The following GCFC2 variants were observed in gnomAD, a reference collection of about 807,000 sequenced individuals.
GCFC2 encodes the protein intron Large complex component GCFC2.
Under a neutral mutation model 99.4 loss-of-function variants are expected in GCFC2, and 102 were observed. That is an observed-to-expected ratio of 1.03 (90% CI 0.87 to 1.21). GCFC2 has a LOEUF of 1.21. Among genes scored for constraint, GCFC2 ranks in the 50% most tolerant of loss-of-function variants. The pLI is 0.00. For missense variants in GCFC2, 973 were observed against 920.9 expected, an observed-to-expected ratio of 1.06 and a Z score of -0.73; for synonymous variants, 338 against 316.8, an observed-to-expected ratio of 1.07 and a Z score of -0.71.
At chr2:75,705,323 C>T (rs1474306353) in intron 2 of GCFC2, among the ~76,000 whole-genome samples, 2 of 151,974 alleles carry the variant, frequency 1.3e-5, no homozygotes, top group Admixed American at 1.3e-4. Flanking sequence ...ATTTAATAGG[C>T]TAATAAAGAA....
intron 1 of GCFC2, among the ~76,000 whole-genome samples, chr2:75,708,014 T>C (rs1032654289): frequency 2.0e-5 from 3 of 152,232 alleles, no homozygotes; most frequent in African/African-American, 2.4e-5. Context: ...TTTTGCTGCA[T>C]CTTGAAATGC....
At chr2:75,670,475 T>TATTTTC (rs1212705104) in intron 14 of GCFC2, 191 bp from the exon 15 acceptor site, 2 of 445,826 alleles carry the variant, frequency 4.5e-6, no homozygotes, top group Non-Finnish European at 8.2e-6. Context: ...TTGCTCATCT[T>TATTTTC]ATTTTCATTT....
intron 12 of GCFC2, among the ~76,000 whole-genome samples, chr2:75,677,683 A>G (rs182862234): frequency 4.6e-4 from 70 of 152,342 alleles, no homozygotes; most frequent in East Asian, 1.9e-4. Context: ...CGGTTTCAGA[A>G]TAAAAACATC....
intron 15 of GCFC2, among the ~76,000 whole-genome samples, chr2:75,669,558 AT>A (rs1390552305): frequency 2.0e-5 from 3 of 151,976 alleles, no homozygotes; most frequent in South Asian, 2.1e-4. Flanking sequence ...TTTACCTGAA[AT>A]TTTTTTGGTG....
chr2:75,697,595 T>G (rs1430454324), intron 4 of GCFC2: 1 of 152,266 alleles, frequency 6.6e-6, no homozygotes, highest in Non-Finnish European at 1.5e-5. Flanking sequence ...TCTCCCTTCC[T>G]GCAGAGGTTG....
chr2:75,666,049 G>A lies in GCFC2; in HGVS notation c.2108C>T (p.Ala703Val), dbSNP rs1355409218. ...AAACCATTTTTCTGGTAGACATGCT[G>A]CTACCTGTTAATCAAAACACATGGC... is the stretch of plus-strand genomic sequence containing the variant. ...PDVVKKCNQV[A>V]ACLPEKWFEN... Residue 703 changes from alanine (A) to valine (V), a missense_variant, in exon 16 of 17, where the codon GCA (alanine) becomes GTA (valine). Transcript: ENST00000321027. 11 of 1,601,360 alleles carry A rather than the reference G, an allele frequency of 6.9e-6. No individual in the cohort carries two copies. The highest frequency in any genetic ancestry group is 9.4e-6 in the Non-Finnish European group (11 of 1,173,422).
At position 75,694,402 on chromosome 2, in the gene GCFC2, G is replaced by T. The variant is rs374711307; in HGVS notation, c.859C>A (p.Arg287Ser). 5 of 1,435,116 alleles carry T rather than the reference G, an allele frequency of 3.5e-6. No individual in the cohort carries two copies. Among genetic ancestry groups the T allele is most frequent in the Non-Finnish European group, 4.6e-6 (5 of 1,075,448 alleles). The allele number at this position is 1,435,116 out of a possible 1,614,324, so 88.9% of individuals were successfully genotyped here. ...TTTTCATACTCCCTCAGGTGTGAGC[G>T]GTGAGTTTCCTGTAGTAATGTTAAT... is the stretch of plus-strand genomic sequence containing the variant. ...TRLTLLQETH[R>S]SHLREYEKYV... Residue 287 changes from arginine to serine, a missense_variant, in exon 6 of 17, where the codon CGC becomes AGC. Transcript: ENST00000321027.
intron 2 of GCFC2, among the ~76,000 whole-genome samples, chr2:75,705,337 C>T (rs769977538): frequency 1.3e-5 from 2 of 152,056 alleles, no homozygotes; most frequent in Non-Finnish European, 2.9e-5. Context: ...TAAAGAAGCA[C>T]TTATGGCCGG....
chr2:75,672,880 TAAAACC>T (rs1298759636), intron 13 of GCFC2, among the ~76,000 whole-genome samples: 2 of 152,316 alleles, frequency 1.3e-5, no homozygotes, highest in Middle Eastern at 3.4e-3. Flanking sequence ...AGGATATATG[TAAAACC>T]AAAACCAAAA....
At chr2:75,686,501 G>A (rs890319894) in intron 11 of GCFC2, among the ~76,000 whole-genome samples, 2 of 152,116 alleles carry the variant, frequency 1.3e-5, no homozygotes, top group African/African-American at 4.8e-5. Context: ...CCAGTGCTTT[G>A]GGAAGCTTAG....
At chr2:75,683,210 C>CATCAGACTA (rs1679654118) in intron 11 of GCFC2, among the ~76,000 whole-genome samples, 1 of 151,802 alleles carries the variant, frequency 6.6e-6, no homozygotes, top group Admixed American at 6.6e-5. Flanking sequence ...TTGGGTTACC[C>CATCAGACTA]ACAAATGGAA....
chr2:75,665,932 A>C lies in GCFC2; in HGVS notation c.2225T>G (p.Phe742Cys), dbSNP rs568728615. Reference sequence around the variant, plus strand: ...GTGAAAATAAAATATGCATTACCTGAATTCACTTCTAGATAATTTATGTGC... The same window carrying C: ...GTGAAAATAAAATATGCATTACCTGCATTCACTTCTAGATAATTTATGTGC... ...QSAHKLSRSE[F>C]RDEVEEIILI... Residue 742 changes from phenylalanine (F) to cysteine (C), a missense_variant, in exon 16 of 17, where the codon TTC becomes TGC. Transcript: ENST00000321027. 2.5e-6 allele frequency: 4 copies of C among 1,578,260 alleles called. No homozygotes were observed. The South Asian group carries it at 3.4e-5, about 13-fold the overall frequency.
At chr2:75,709,691 G>A (rs1365279419) in intron 1 of GCFC2, among the ~76,000 whole-genome samples, 2 of 152,172 alleles carry the variant, frequency 1.3e-5, no homozygotes, top group African/African-American at 2.4e-5. Context: ...AGAGTAGATA[G>A]TAAGTGTTCT....
chr2:75,699,335 ACT>A (rs1165052922), intron 4 of GCFC2, among the ~76,000 whole-genome samples: 2 of 152,192 alleles, frequency 1.3e-5, no homozygotes, highest in African/African-American at 4.8e-5. Context: ...AATAAATAGA[ACT>A]GTTTGGTACT....
At position 75,710,818 on chromosome 2, in the gene GCFC2, G is replaced by C; in HGVS notation, c.38C>G (p.Ala13Gly). The change falls in exon 1 of 17, where the codon GCG becomes GGG. Residue 13 changes from alanine to glycine, a missense_variant. Coordinates refer to ENST00000321027, the MANE Select transcript of GCFC2 (RefSeq NM_003203.5). ...HRPKRTFRQR[A>G]ADSSDSDGAE... is the part of the protein sequence containing the mutation. The stretch of plus-strand genomic sequence containing the variant: ...GCCATCGCTGTCGCTGGAATCAGCC[G>C]CGCGCTGCCGAAAAGTCCTTTTCGG... The C allele has an allele frequency of 1.3e-6, 2 of 1,576,688 alleles. No homozygotes were observed. Among genetic ancestry groups the C allele is most frequent in the East Asian group, 2.4e-5 (1 of 41,654 alleles).
intron 10 of GCFC2, 76 bp from the exon 11 acceptor site, chr2:75,688,053 C>A: frequency 1.2e-6 from 1 of 855,992 alleles, no homozygotes; most frequent in African/African-American, 1.7e-5. Flanking sequence ...TTATTTTTTT[C>A]AATAATCACC....
chr2:75,703,533 C>A (rs1680702173), intron 2 of GCFC2, among the ~76,000 whole-genome samples: 1 of 152,174 alleles, frequency 6.6e-6, no homozygotes. Flanking sequence ...AATAAATATT[C>A]ATCAAGAACA....
chr2:75,707,520 A>AC (rs1287121910), intron 1 of GCFC2, among the ~76,000 whole-genome samples: 1 of 151,728 alleles, frequency 6.6e-6, no homozygotes, highest in Non-Finnish European at 1.5e-5. Context: ...AGACCTACAT[A>AC]CAGTTCAAAA....
chr2:75,695,367 T>A (rs1299495414), intron 5 of GCFC2, among the ~76,000 whole-genome samples: 1 of 152,308 alleles, frequency 6.6e-6, no homozygotes, highest in African/African-American at 2.4e-5. Flanking sequence ...TAGATCAAAA[T>A]GTCCAACAGA....
Sources: gnomAD v4.1 joint callset for allele counts (sites outside exome capture counted in the v4.1 genomes callset) on GRCh38, gnomAD v4.1.1 for gene constraint, MANE v1.5 for transcripts, NCBI Gene and HGNC (gene_info 2026-07-23, HGNC 2026-07-21) for gene names.